HAUS2: variants seen among roughly 807,000 people sequenced by gnomAD.
HAUS2 encodes the protein HAUS augmin-like complex subunit 2.
In HAUS2, 20 loss-of-function variants were observed where a neutral mutation model predicts 21.6. That is an observed-to-expected ratio of 0.93 (90% confidence interval 0.65 to 1.35). The LOEUF (loss-of-function observed/expected upper bound fraction) is 1.35, where lower values mean the gene tolerates loss of function less well. HAUS2 is among the 40% of genes most tolerant of loss of function. The pLI, the probability that HAUS2 is intolerant of heterozygous loss-of-function variation, is 0.00. For missense variants in HAUS2, 297 were observed against 280.7 expected (o/e 1.06, Z -0.42); for synonymous variants, 113 against 95.6 (o/e 1.18, Z -1.06).
chr15:42,558,153 A>T, intron 1 of HAUS2, 45 bp from the exon 2 acceptor site: 2 of 830,268 alleles, frequency 2.4e-6, no homozygotes, highest in East Asian at 4.9e-5. Context: ...GTACCTAGAA[A>T]CTTTTTGTGA....
At chr15:42,563,698 G>A (rs367596793) in intron 4 of HAUS2, 51 bp from the exon 5 acceptor site, 37 of 902,978 alleles carry the variant, frequency 4.1e-5, no homozygotes, top group Non-Finnish European at 5.7e-5. Flanking sequence ...GAAAAGGAAC[G>A]TAAAACAATT....
chr15:42,559,896 C>T (rs754502228), intron 3 of HAUS2, among the ~76,000 whole-genome samples: 38 of 152,228 alleles, frequency 2.5e-4, no homozygotes, highest in African/African-American at 8.9e-4. Flanking sequence ...TGGAGAGTCA[C>T]GCCTGTAAAC....
At chr15:42,550,133 G>A (rs2057707192) in intron 1 of HAUS2, among the ~76,000 whole-genome samples, 1 of 152,068 alleles carries the variant, frequency 6.6e-6, no homozygotes, top group African/African-American at 2.4e-5. Context: ...GCATGGTGGC[G>A]TACACCTGTA....
chr15:42,562,590 G>A (rs2057863041), intron 4 of HAUS2, among the ~76,000 whole-genome samples: 1 of 152,112 alleles, frequency 6.6e-6, no homozygotes, highest in African/African-American at 2.4e-5. Flanking sequence ...GTGAGACTCT[G>A]TCTCAAAACA....
chr15:42,566,884 G>A lies in HAUS2; in HGVS notation c.*68G>A, dbSNP rs1245747905. ...GTCTATTTCTAGTTGACTGTAACAT[G>A]GGTATTAATAGTCTTTGCTGCTGGT... On this transcript the variant is annotated 3_prime_UTR_variant, in exon 6 of 6. Transcript: ENST00000260372. The A allele has an allele frequency of 4.0e-6, 3 of 750,582 alleles. No individual in the cohort carries two copies. In the African/African-American group the frequency reaches 5.2e-5, roughly 13 times the overall value. The allele number at this position is 750,582 out of a possible 1,614,324, so 46.5% of individuals were successfully genotyped here. A position where few individuals can be genotyped will look rare whatever the true frequency, so the allele number is the denominator to read the frequency against.
At chr15:42,551,406 C>A (rs980316008) in intron 1 of HAUS2, among the ~76,000 whole-genome samples, 1 of 151,686 alleles carries the variant, frequency 6.6e-6, no homozygotes, top group South Asian at 2.1e-4. Context: ...TTTGGGAGGC[C>A]GAGGCGGGTG....
At position 42,569,670 on chromosome 15, in the gene HAUS2, G is replaced by C. The variant is rs2057941787; in HGVS notation, c.*2854G>C. ...TAAGTAGTTGTTTATAAGGAAGCAG[G>C]ATCATTACCAAAATAAATCCTGCTA... On this transcript the variant is annotated 3_prime_UTR_variant, in exon 6 of 6. Coordinates refer to ENST00000260372, the MANE Select transcript of HAUS2 (RefSeq NM_018097.3). 1 of 152,132 alleles carries C rather than the reference G, an allele frequency of 6.6e-6. No individual in the cohort carries two copies. The allele number at this position is 152,132 out of a possible 1,614,324, so 9.4% of individuals were successfully genotyped here.
At chr15:42,551,317 C>T (rs185774476) in intron 1 of HAUS2, among the ~76,000 whole-genome samples, 25 of 152,136 alleles carry the variant, frequency 1.6e-4, no homozygotes, top group African/African-American at 2.4e-5. Context: ...TTGTATTGTC[C>T]AGTTCTCCTG....
chr15:42,550,058 G>C (rs528723537), intron 1 of HAUS2, among the ~76,000 whole-genome samples: 1 of 152,090 alleles, frequency 6.6e-6, no homozygotes, highest in East Asian at 1.9e-4. Flanking sequence ...AGGAAGTTGA[G>C]AAATTTCACT....
intron 1 of HAUS2, among the ~76,000 whole-genome samples, chr15:42,552,196 T>A (rs1037129413): frequency 4.9e-4 from 75 of 152,032 alleles, no homozygotes; most frequent in Middle Eastern, 3.4e-3. Flanking sequence ...CTAATTTTTT[T>A]AATTTTTAGT....
At chr15:42,559,717 A>AT (rs2057829058) in intron 3 of HAUS2, among the ~76,000 whole-genome samples, 1 of 152,146 alleles carries the variant, frequency 6.6e-6, no homozygotes, top group African/African-American at 2.4e-5. Context: ...TCATGGATCG[A>AT]TTTTTTATTT....
chr15:42,566,687 A>G lies in HAUS2; in HGVS notation c.579A>G (p.Gln193=). 1 of 1,604,144 alleles carries G rather than the reference A, an allele frequency of 6.2e-7. No individual in the cohort carries two copies. Among genetic ancestry groups the G allele is most frequent in the Non-Finnish European group, 8.5e-7 (1 of 1,170,972 alleles). ...AGAATATACTCAAGTGGCGTAAACA[A>G]CAAAACGAAGTTTCGTCTTGTATCC... is the stretch of plus-strand genomic sequence containing the variant. ...LAENILKWRK[Q]QNEVSSCIPK... is the part of the protein sequence containing the mutation. Residue 193 remains glutamine, a synonymous_variant, in exon 6 of 6, where the codon CAA becomes CAG. Coordinates refer to ENST00000260372, the MANE Select transcript of HAUS2 (RefSeq NM_018097.3).
At chr15:42,555,559 T>C (rs1323244759) in intron 1 of HAUS2, among the ~76,000 whole-genome samples, 1 of 152,228 alleles carries the variant, frequency 6.6e-6, no homozygotes, top group African/African-American at 2.4e-5. Context: ...TTGGAGACTA[T>C]GTTTTCAGCT....
chr15:42,565,254 G>A (rs1286619086), intron 5 of HAUS2, among the ~76,000 whole-genome samples: 1 of 152,222 alleles, frequency 6.6e-6, no homozygotes, highest in Non-Finnish European at 1.5e-5. Flanking sequence ...AGAGTATGGG[G>A]GAAAAGTGAT....
intron 1 of HAUS2, among the ~76,000 whole-genome samples, chr15:42,552,401 A>G (rs2057734814): frequency 6.6e-6 from 1 of 152,194 alleles, no homozygotes; most frequent in African/African-American, 2.4e-5. Flanking sequence ...CAAACAGCCC[A>G]TCCCTTTAAT....
At chr15:42,560,909 A>T (rs1244131395) in intron 3 of HAUS2, 1 of 696,086 alleles carries the variant, frequency 1.4e-6, no homozygotes, top group Non-Finnish European at 2.6e-6. Context: ...CTCTTTTTCG[A>T]TGGTCTTTTA....
intron 3 of HAUS2, among the ~76,000 whole-genome samples, 177 bp downstream of exon 3, chr15:42,559,585 CA>C (rs1235868789): frequency 1.3e-5 from 2 of 152,054 alleles, no homozygotes; most frequent in Non-Finnish European, 2.9e-5. Context: ...TTGAGTAGTA[CA>C]AATAGCATAA....
chr15:42,558,025 T>C (rs559489382), intron 1 of HAUS2, among the ~76,000 whole-genome samples, 173 bp from the exon 2 acceptor site: 4 of 152,244 alleles, frequency 2.6e-5, no homozygotes, highest in African/African-American at 9.6e-5. Flanking sequence ...TTTGTGATGG[T>C]GAAGGTTCTA....
chr15:42,553,143 C>T lies in HAUS2; in HGVS notation c.93+4178C>T, dbSNP rs758451586. On this transcript the variant is annotated intron_variant, in intron 1 of 5. Transcript: ENST00000260372. ...CTGAGATTACAGGCACATACCACCA[C>T]GCCCGGCTAATTTTTGTATTTTTAG... Among the ~76,000 whole-genome samples, 6 of 151,976 alleles carry T rather than the reference C, an allele frequency of 3.9e-5. 1 individual carries two copies. The highest frequency in any genetic ancestry group is 2.1e-4 in the South Asian group (1 of 4,814).
Sources: allele counts gnomAD v4.1 joint callset (sites outside exome capture counted in the v4.1 genomes callset), GRCh38; gene constraint gnomAD v4.1.1; transcripts MANE v1.5; gene names NCBI Gene and HGNC (gene_info 2026-07-23, HGNC 2026-07-21).